Variants in BLTP1 observed in about 807,000 individuals in gnomAD.
The protein encoded by BLTP1 is bridge-like lipid transfer protein family member 1.
the BLTP1 span, chr4:122,272,296 G>A: frequency 6.2e-7 from 1 of 1,613,272 alleles, no homozygotes; most frequent in Admixed American, 1.7e-5. Flanking sequence ...TAGTGTTTGG[G>A]ATTGGCATGG....
the BLTP1 span, chr4:122,306,071 C>T: frequency 3.8e-6 from 6 of 1,566,158 alleles, no homozygotes; most frequent in Non-Finnish European, 5.2e-6. Context: ...TCACTACTAT[C>T]CTCTGGGATC....
chr4:122,286,430 T>C, the BLTP1 span: 5 of 1,507,006 alleles, frequency 3.3e-6, no homozygotes, highest in Non-Finnish European at 4.4e-6. Context: ...TATTTCAAGA[T>C]AGGTTTGGGA....
At chr4:122,197,633 G>A in the BLTP1 span, 8 of 189,030 alleles carry the variant, frequency 4.2e-5, no homozygotes, top group South Asian at 1.5e-3. Context: ...TGTACCAGAC[G>A]TTTGGGCAGT....
the BLTP1 span, among the ~76,000 whole-genome samples, chr4:122,177,629 C>T: frequency 6.6e-6 from 1 of 152,078 alleles, no homozygotes; most frequent in South Asian, 2.1e-4. Context: ...ATCATCTTAC[C>T]TTCCACCCCA....
chr4:122,155,982 A>T, the BLTP1 span: 1 of 972,498 alleles, frequency 1.0e-6, no homozygotes, highest in South Asian at 4.8e-5. Flanking sequence ...CTTTATGCAT[A>T]TGTTAATGTT....
the BLTP1 span, among the ~76,000 whole-genome samples, chr4:122,155,660 G>GT: frequency 6.6e-6 from 1 of 152,004 alleles, no homozygotes; most frequent in African/African-American, 2.4e-5. Flanking sequence ...TTAGCATACT[G>GT]TATTTCATAT....
chr4:122,173,032 A>C, the BLTP1 span: 1 of 1,612,964 alleles, frequency 6.2e-7, no homozygotes, highest in South Asian at 1.1e-5. Context: ...TTTCCTCCCA[A>C]CAGCTACCAT....
chr4:122,244,168 G>C, the BLTP1 span: 387 of 899,572 alleles, frequency 4.3e-4, 3 homozygotes, highest in African/African-American at 6.4e-3. Flanking sequence ...GAAGATTATT[G>C]ATAGCTATTT....
chr4:122,286,411 C>G, the BLTP1 span: 1 of 1,453,594 alleles, frequency 6.9e-7, no homozygotes, highest in Non-Finnish European at 9.1e-7. Context: ...TTTAAAATAT[C>G]CTTTCATATA....
the BLTP1 span, chr4:122,221,184 C>G: frequency 2.2e-5 from 6 of 277,790 alleles, no homozygotes; most frequent in South Asian, 8.3e-4. Flanking sequence ...AATGAATGAT[C>G]ATTTATTATG....
the BLTP1 span, chr4:122,346,057 GACAAAA>G: frequency 2.0e-6 from 2 of 978,916 alleles, no homozygotes; most frequent in Admixed American, 6.2e-5. Flanking sequence ...TATGGGCTCA[GACAAAA>G]ACAGAAATTT....
the BLTP1 span, chr4:122,192,509 T>C: frequency 1.5e-6 from 1 of 655,296 alleles, no homozygotes; most frequent in Non-Finnish European, 2.4e-6. Flanking sequence ...ACTAAACATT[T>C]TGATCCAAAG....
the BLTP1 span, chr4:122,226,510 G>A: frequency 7.4e-7 from 1 of 1,357,094 alleles, no homozygotes; most frequent in Non-Finnish European, 9.4e-7. Context: ...CATTCATAAA[G>A]GAAAAGTAAC....
the BLTP1 span, chr4:122,254,976 A>C: frequency 1.3e-6 from 2 of 1,547,476 alleles, no homozygotes; most frequent in Non-Finnish European, 1.8e-6. Context: ...AAATAATACA[A>C]GGTATTATAC....
chr4:122,184,170 C>G, the BLTP1 span, among the ~76,000 whole-genome samples: 1 of 152,024 alleles, frequency 6.6e-6, no homozygotes, highest in Non-Finnish European at 1.5e-5. Flanking sequence ...TAAATGAAAT[C>G]AAAGGCAGAA....
the BLTP1 span, among the ~76,000 whole-genome samples, chr4:122,338,912 C>T: frequency 6.6e-6 from 1 of 152,056 alleles, no homozygotes; most frequent in Admixed American, 6.6e-5. Flanking sequence ...TTATATCATG[C>T]TTCTGTTTAA....
At chr4:122,317,664 C>A in the BLTP1 span, among the ~76,000 whole-genome samples, 1 of 151,424 alleles carries the variant, frequency 6.6e-6, no homozygotes, top group African/African-American at 2.4e-5. Flanking sequence ...AATCAAGGAC[C>A]TTACACAACT....
the BLTP1 span, chr4:122,343,682 A>G: frequency 1.3e-6 from 2 of 1,510,094 alleles, no homozygotes; most frequent in African/African-American, 2.8e-5. Context: ...TATTTTCATA[A>G]ATCATAAGGA....
the BLTP1 span, chr4:122,356,535 T>A: frequency 1.5e-6 from 2 of 1,341,798 alleles, no homozygotes; most frequent in South Asian, 2.7e-5. Flanking sequence ...TTGCATTTCA[T>A]GTGGATGCAT....
Sources: gnomAD v4.1 joint callset for allele counts (sites outside exome capture counted in the v4.1 genomes callset) on GRCh38, gnomAD v4.1.1 for gene constraint, MANE v1.5 for transcripts, NCBI Gene and HGNC (gene_info 2026-07-23, HGNC 2026-07-21) for gene names.